The following EPHA5 variants were observed in gnomAD, a reference collection of about 807,000 sequenced individuals.
EPHA5 encodes the protein ephrin type-A receptor 5.
In EPHA5, 60 loss-of-function variants were observed where a neutral mutation model predicts 105.0. The ratio of observed to expected loss-of-function variants is 0.57; its 90% CI spans 0.46 to 0.71. The LOEUF (loss-of-function observed/expected upper bound fraction) is 0.71. Ranked by LOEUF, EPHA5 falls within the 30% of genes least tolerant of loss-of-function variation. The pLI is 0.00. For synonymous variants in EPHA5, 513 were observed against 449.1 expected, an observed-to-expected ratio of 1.14 and a Z score of -1.80; for missense variants, 1,218 against 1,274.7, an observed-to-expected ratio of 0.96 and a Z score of 0.68.
At chr4:65,447,671 T>C (rs1404052223) in intron 5 of EPHA5, among the ~76,000 whole-genome samples, 2 of 151,998 alleles carry the variant, frequency 1.3e-5, no homozygotes, top group Non-Finnish European at 2.9e-5. Context: ...CAGCTTAAAA[T>C]GTTAAATTAT....
intron 5 of EPHA5, among the ~76,000 whole-genome samples, chr4:65,465,394 C>T (rs893194576): frequency 2.0e-5 from 3 of 149,506 alleles, no homozygotes; most frequent in African/African-American, 7.4e-5. Context: ...CCATTGCACT[C>T]CAGCCTGGGC....
At chr4:65,621,651 A>T (rs946808885) in intron 2 of EPHA5, among the ~76,000 whole-genome samples, 5 of 152,146 alleles carry the variant, frequency 3.3e-5, no homozygotes, top group African/African-American at 1.2e-4. Context: ...CAGGAGAAAC[A>T]TTAATATACA....
chr4:65,578,478 A>G (rs578223947), intron 3 of EPHA5, among the ~76,000 whole-genome samples: 1 of 152,270 alleles, frequency 6.6e-6, no homozygotes, highest in East Asian at 1.9e-4. Flanking sequence ...GCACACACAC[A>G]GACAAATGCT....
chr4:65,425,090 T>G (rs905188798), intron 5 of EPHA5, among the ~76,000 whole-genome samples: 13 of 152,186 alleles, frequency 8.5e-5, no homozygotes, highest in African/African-American at 2.9e-4. Flanking sequence ...TATACCCATA[T>G]TTTAAGTCTC....
chr4:65,442,290 T>C (rs79292508), intron 5 of EPHA5, among the ~76,000 whole-genome samples: 1 of 152,024 alleles, frequency 6.6e-6, no homozygotes, highest in African/African-American at 2.4e-5. Context: ...CTTAAAGAGA[T>C]CTTTCTTTCT....
At chr4:65,592,551 T>C (rs972737838) in intron 3 of EPHA5, among the ~76,000 whole-genome samples, 6 of 150,382 alleles carry the variant, frequency 4.0e-5, no homozygotes, top group Admixed American at 1.3e-4. Flanking sequence ...AAGAAAAAAA[T>C]TTACACAAGG....
rs1394824995 is a variant in EPHA5 at position 65,669,938 on chromosome 4, G to A, written c.-196C>T. On this transcript the variant is annotated 5_prime_UTR_variant, in exon 1 of 17. Transcript: ENST00000613740. ...CTGAAGTTTGCTTCTGGCTCCTCTC[G>A]CCTCCCCCTTTGGTGGGGTTAAATG... is the stretch of plus-strand genomic sequence containing the variant. The A allele has an allele frequency of 2.2e-5, 17 of 784,500 alleles. No homozygotes were observed. The highest frequency in any genetic ancestry group is 2.8e-5 in the Non-Finnish European group (16 of 580,180). The allele number at this position is 784,500 out of a possible 1,614,324, so 48.6% of individuals were successfully genotyped here.
chr4:65,568,104 A>G (rs1002769857), intron 3 of EPHA5, among the ~76,000 whole-genome samples: 6 of 151,574 alleles, frequency 4.0e-5, no homozygotes, highest in African/African-American at 1.4e-4. Flanking sequence ...TAAAATTTGT[A>G]ACCATGACCC....
intron 3 of EPHA5, among the ~76,000 whole-genome samples, chr4:65,560,699 A>T (rs372114844): frequency 1.3e-3 from 196 of 152,238 alleles, no homozygotes; most frequent in African/African-American, 4.6e-3. Context: ...GAGAAATGAC[A>T]AAGGTAATAC....
At chr4:65,402,282 C>G (rs1276427175) in intron 8 of EPHA5, among the ~76,000 whole-genome samples, 4 of 152,078 alleles carry the variant, frequency 2.6e-5, no homozygotes, top group Admixed American at 1.3e-4. Context: ...CAGTCTTGAA[C>G]AGTTCTTCAT....
chr4:65,631,108 A>C, intron 2 of EPHA5, among the ~76,000 whole-genome samples: 1 of 152,114 alleles, frequency 6.6e-6, no homozygotes, highest in Non-Finnish European at 1.5e-5. Context: ...AAGGTTTTCA[A>C]AGAGTGTTGT....
chr4:65,640,099 T>A (rs1365999215), intron 2 of EPHA5, among the ~76,000 whole-genome samples: 2 of 152,098 alleles, frequency 1.3e-5, no homozygotes, highest in Non-Finnish European at 2.9e-5. Flanking sequence ...TTCTCATAGT[T>A]TTTTGTTATT....
chr4:65,374,203 C>T (rs372896920), intron 8 of EPHA5, among the ~76,000 whole-genome samples: 260 of 151,980 alleles, frequency 1.7e-3, no homozygotes, highest in Middle Eastern at 0.01. Flanking sequence ...AAAATGTGGG[C>T]AGCCTTGGGG....
rs565281266 is a variant in EPHA5 at position 65,576,000 on chromosome 4, G to GAAAGAA, written c.910+25640_910+25641insTTCTTT. Among the ~76,000 whole-genome samples the GAAAGAA allele has an allele frequency of 8.2e-3, 243 of 29,624 alleles. 8 individuals carry two copies. Among genetic ancestry groups the GAAAGAA allele is most frequent in the Middle Eastern group, 0.019 (1 of 52 alleles). 19.4% of individuals were successfully genotyped at this position (29,624 alleles called of 152,430 possible). A position where few individuals can be genotyped will look rare whatever the true frequency, so the allele number is the denominator to read the frequency against. ...AAAAAGAAAGAGAGAGAGAGAGAGA[G>GAAAGAA]AGAAAGAAAGAAAGAAAGAAAGAAA... On this transcript the variant is annotated intron_variant, in intron 3 of 16. Coordinates refer to ENST00000613740, the MANE Select transcript of EPHA5 (RefSeq NM_001281766.3).
rs559218530 is a variant in EPHA5 at position 65,480,101 on chromosome 4, A to G, written c.1402+10276T>C. The stretch of plus-strand genomic sequence containing the variant: ...AAAAACACAAGAATACAGGAAAAAT[A>G]ACAATAAAGGAGACAAGGAAAGAAG... On this transcript the variant is annotated intron_variant, in intron 5 of 16. Coordinates refer to ENST00000613740, the MANE Select transcript of EPHA5 (RefSeq NM_001281766.3). 2.0e-4 allele frequency among the ~76,000 whole-genome samples: 31 copies of G among 152,316 alleles called. 1 individual carries two copies. The East Asian group carries it at 5.2e-3, about 26-fold the overall frequency.
intron 6 of EPHA5, 146 bp downstream of exon 6, chr4:65,420,295 C>T (rs532988351): frequency 1.9e-5 from 15 of 788,174 alleles, no homozygotes; most frequent in African/African-American, 5.3e-5. Flanking sequence ...CTGTACACTT[C>T]TAGCCTCCAT....
chr4:65,564,918 T>C (rs1401163496), intron 3 of EPHA5, among the ~76,000 whole-genome samples: 1 of 151,760 alleles, frequency 6.6e-6, no homozygotes, highest in Non-Finnish European at 1.5e-5. Flanking sequence ...CTTTCACTGT[T>C]AATTTATGAC....
intron 2 of EPHA5, among the ~76,000 whole-genome samples, chr4:65,605,400 C>T (rs1322417586): frequency 1.3e-5 from 2 of 152,286 alleles, no homozygotes; most frequent in East Asian, 3.9e-4. Flanking sequence ...TGGTATCAAG[C>T]GCCTGCTGTT....
intron 16 of EPHA5, among the ~76,000 whole-genome samples, chr4:65,328,159 C>T (rs1246066254): frequency 2.7e-5 from 4 of 150,878 alleles, no homozygotes; most frequent in East Asian, 2.0e-4. Context: ...CTAGTGATAA[C>T]GAATTATATT....
Sources: gnomAD v4.1 joint callset for allele counts (sites outside exome capture counted in the v4.1 genomes callset) on GRCh38, gnomAD v4.1.1 for gene constraint, MANE v1.5 for transcripts, NCBI Gene and HGNC (gene_info 2026-07-23, HGNC 2026-07-21) for gene names.